GULP1: variants seen among roughly 807,000 people sequenced by gnomAD.
The protein encoded by GULP1 is PTB domain-containing engulfment adapter protein 1.
Under a neutral mutation model 40.9 loss-of-function variants are expected in GULP1, and 19 were observed. The ratio of observed to expected loss-of-function variants is 0.46; its 90% CI spans 0.32 to 0.68. The LOEUF (loss-of-function observed/expected upper bound fraction) is 0.68. GULP1 is among the 30% of genes least tolerant of loss of function. GULP1 has a pLI of 0.03. For synonymous variants in GULP1, 119 were observed against 117.6 expected (o/e 1.01, Z -0.08); for missense variants, 312 against 362.2 (o/e 0.86, Z 1.12).
intron 1 of GULP1, among the ~76,000 whole-genome samples, chr2:188,297,084 G>T (rs2035114084): frequency 6.6e-6 from 1 of 151,790 alleles, no homozygotes; most frequent in Non-Finnish European, 1.5e-5. Context: ...TGATATTTTT[G>T]AGCCCAATTT....
At chr2:188,525,908 C>T (rs190390429) in intron 5 of GULP1, among the ~76,000 whole-genome samples, 127 of 152,174 alleles carry the variant, frequency 8.3e-4, no homozygotes, top group African/African-American at 2.9e-3. Flanking sequence ...ATATAAACAT[C>T]GCTCATTTCC....
At chr2:188,364,243 G>A (rs1490453893) in intron 1 of GULP1, among the ~76,000 whole-genome samples, 1 of 151,964 alleles carries the variant, frequency 6.6e-6, no homozygotes, top group Non-Finnish European at 1.5e-5. Flanking sequence ...CCATGTGGGT[G>A]TTTGCATTTC....
chr2:188,532,313 A>C (rs911855155), intron 6 of GULP1, among the ~76,000 whole-genome samples: 19 of 152,334 alleles, frequency 1.2e-4, no homozygotes, highest in African/African-American at 4.6e-4. Flanking sequence ...TGCAGTATGT[A>C]GAGAAAACTT....
chr2:188,470,716 A>G (rs567964193), intron 2 of GULP1, among the ~76,000 whole-genome samples: 17 of 152,246 alleles, frequency 1.1e-4, no homozygotes, highest in East Asian at 1.9e-4. Flanking sequence ...ATATTTGTAT[A>G]GTTTTCAGAA....
chr2:188,324,906 C>T (rs925393510), intron 1 of GULP1, among the ~76,000 whole-genome samples: 1 of 151,882 alleles, frequency 6.6e-6, no homozygotes, highest in Non-Finnish European at 1.5e-5. Context: ...ACACAGAAGT[C>T]AGAAGACATT....
intron 1 of GULP1, among the ~76,000 whole-genome samples, chr2:188,321,372 T>G (rs1387851436): frequency 6.6e-6 from 1 of 152,162 alleles, no homozygotes; most frequent in African/African-American, 2.4e-5. Context: ...CTTTGTAAAT[T>G]AATATAAACC....
chr2:188,428,873 A>C, intron 2 of GULP1, among the ~76,000 whole-genome samples: 1 of 151,512 alleles, frequency 6.6e-6, no homozygotes, highest in Non-Finnish European at 1.5e-5. Context: ...TAAGGACTTT[A>C]AAAAAAAGTG....
chr2:188,435,438 T>G (rs964470091), intron 2 of GULP1, among the ~76,000 whole-genome samples: 12 of 152,188 alleles, frequency 7.9e-5, no homozygotes, highest in African/African-American at 2.4e-4. Flanking sequence ...TTCTGACTAT[T>G]AATGGCTTAC....
chr2:188,479,919 T>C (rs1189735423), intron 3 of GULP1, among the ~76,000 whole-genome samples: 1 of 152,110 alleles, frequency 6.6e-6, no homozygotes, highest in Non-Finnish European at 1.5e-5. Flanking sequence ...TATTTCCTGA[T>C]TTGCTTCATT....
intron 2 of GULP1, among the ~76,000 whole-genome samples, chr2:188,423,679 G>A (rs1266762137): frequency 6.6e-6 from 1 of 151,342 alleles, no homozygotes; most frequent in Non-Finnish European, 1.5e-5. Flanking sequence ...GAATATAAAG[G>A]GTTTATTGTG....
intron 1 of GULP1, among the ~76,000 whole-genome samples, chr2:188,349,624 A>G (rs79555137): frequency 0.03 from 4,554 of 152,226 alleles, 251 homozygotes; most frequent in African/African-American, 0.1. Flanking sequence ...TATCAGATGT[A>G]TGATTTGCAA....
chr2:188,529,265 ATTTAAAATTTT>A, intron 6 of GULP1, 70 bp downstream of exon 6: 1 of 794,634 alleles, frequency 1.3e-6, no homozygotes, highest in Non-Finnish European at 2.1e-6. Context: ...TTTAACAAAT[ATTTAAAATTTT>A]TTGCCACCCT....
chr2:188,504,271 T>G (rs1173667179), intron 4 of GULP1, among the ~76,000 whole-genome samples: 1 of 151,942 alleles, frequency 6.6e-6, no homozygotes. Context: ...ATTTTCAATT[T>G]GGAAAACATG....
At chr2:188,301,399 G>A (rs945107755) in intron 1 of GULP1, among the ~76,000 whole-genome samples, 5 of 152,038 alleles carry the variant, frequency 3.3e-5, no homozygotes, top group Admixed American at 6.6e-5. Flanking sequence ...TCTTCTTTCC[G>A]TTTCTTGCAT....
intron 2 of GULP1, among the ~76,000 whole-genome samples, chr2:188,435,696 G>T (rs1422386322): frequency 1.3e-5 from 2 of 152,066 alleles, no homozygotes; most frequent in Non-Finnish European, 2.9e-5. Context: ...TACTAGAGAA[G>T]AATCTGCTTC....
intron 2 of GULP1, among the ~76,000 whole-genome samples, chr2:188,444,373 C>T (rs547428393): frequency 6.6e-6 from 1 of 152,098 alleles, no homozygotes; most frequent in Non-Finnish European, 1.5e-5. Context: ...TCATGGTGCA[C>T]ATGATAAATA....
chr2:188,547,316 A>G (rs779820343), intron 7 of GULP1, among the ~76,000 whole-genome samples: 4 of 151,956 alleles, frequency 2.6e-5, no homozygotes, highest in Non-Finnish European at 4.4e-5. Context: ...AATATAACCC[A>G]GTAATGCATT....
chr2:188,295,414 T>G (rs2105885580), intron 1 of GULP1, among the ~76,000 whole-genome samples: 1 of 152,320 alleles, frequency 6.6e-6, no homozygotes, highest in Admixed American at 6.5e-5. Flanking sequence ...CATGTTATTT[T>G]ACTTCTTAAA....
intron 2 of GULP1, among the ~76,000 whole-genome samples, chr2:188,415,920 GCT>G (rs1184891170): frequency 1.2e-4 from 18 of 152,116 alleles, no homozygotes; most frequent in African/African-American, 4.3e-4. Context: ...ATGCCCCAGT[GCT>G]CTGTTAGAAG....
Sources: gnomAD v4.1 joint callset for allele counts (sites outside exome capture counted in the v4.1 genomes callset) on GRCh38, gnomAD v4.1.1 for gene constraint, MANE v1.5 for transcripts, NCBI Gene and HGNC (gene_info 2026-07-23, HGNC 2026-07-21) for gene names.